Variants in STX11 observed in about 807,000 individuals in gnomAD.
The protein encoded by STX11 is syntaxin 11.
A neutral mutation model predicts 19.9 loss-of-function variants in STX11; 21 were observed. The observed-to-expected ratio is 1.06, with a 90% CI of 0.75 to 1.52. The LOEUF is 1.52. Among genes scored for constraint, STX11 ranks in the 40% most tolerant of loss-of-function variants. The pLI is 0.00. For missense variants in STX11, 438 were observed against 405.9 expected, an observed-to-expected ratio of 1.08 and a Z score of -0.68; for synonymous variants, 193 against 174.4, an observed-to-expected ratio of 1.11 and a Z score of -0.84.
At chr6:144,144,856 C>T in the STX11 span, among the ~76,000 whole-genome samples, 1 of 152,048 alleles carries the variant, frequency 6.6e-6, no homozygotes, top group Non-Finnish European at 1.5e-5. Context: ...ATGTGTCCTG[C>T]AGGGTATGAA....
At chr6:144,185,885 A>G (rs1347273463) in intron 1 of STX11, among the ~76,000 whole-genome samples, 1 of 152,126 alleles carries the variant, frequency 6.6e-6, no homozygotes, top group Non-Finnish European at 1.5e-5. Flanking sequence ...AATTTAAATC[A>G]TGATTTGCAT....
At chr6:144,168,721 A>G (rs960683003) in intron 1 of STX11, among the ~76,000 whole-genome samples, 1 of 152,232 alleles carries the variant, frequency 6.6e-6, no homozygotes, top group Non-Finnish European at 1.5e-5. Flanking sequence ...AACATTGGCA[A>G]CAGCATATAT....
intron 1 of STX11, among the ~76,000 whole-genome samples, chr6:144,157,038 A>C (rs900777168): frequency 6.6e-6 from 1 of 152,230 alleles, no homozygotes; most frequent in African/African-American, 2.4e-5. Flanking sequence ...CTGCTACATG[A>C]TGCTGTCAGG....
Position 144,172,498 on chromosome 6 carries a change from T to G in STX11, c.-5-14125T>G, listed in dbSNP as rs1801666359. 6.6e-6 allele frequency among the ~76,000 whole-genome samples: 1 copy of G among 152,188 alleles called. No homozygotes were observed. The highest frequency in any genetic ancestry group is 1.5e-5 in the Non-Finnish European group (1 of 68,038). ...ATCCTCTTGGTCAAAGCAAGTCTCA[T>G]GGCCAAGGGTAGAGAAACTGATTCA... On this transcript the variant is annotated intron_variant, in intron 1 of 1. Transcript: ENST00000367568. This position sits in a 1 kb window ranked among gnomAD's most constrained non-coding sequence, Gnocchi z 4.2.
rs769632055 is a variant in STX11, at chr6:144,154,344, C to A, written c.-6+3641C>A. ...CCCTACTGTGCTACATGACATCCCA[C>A]CCCCTACCTTCACTCCAAGAAATAC... On this transcript the variant is annotated intron_variant, in intron 1 of 1. Transcript: ENST00000367568. This position sits in a 1 kb window ranked among gnomAD's most constrained non-coding sequence, Gnocchi z 4.7. Among the ~76,000 whole-genome samples the A allele has an allele frequency of 2.0e-5, 3 of 152,296 alleles. No homozygotes were observed. The highest frequency in any genetic ancestry group is 7.2e-5 in the African/African-American group (3 of 41,572).
In STX11 at chr6:144,174,059, C is replaced by T. The variant is rs1394839824; in HGVS notation, c.-5-12564C>T. Reference sequence around the variant, plus strand: ...CTGAGCAGTCTTCTGTTGGGCTCTCCGCGGCTCCTTCATTTTCAGTCTTTT... The same window carrying T: ...CTGAGCAGTCTTCTGTTGGGCTCTCTGCGGCTCCTTCATTTTCAGTCTTTT... On this transcript the variant is annotated intron_variant, in intron 1 of 1. Transcript: ENST00000367568. The surrounding 1 kb of genome is among the most constrained non-coding windows in gnomAD (Gnocchi z 5.3). 4.6e-5 allele frequency among the ~76,000 whole-genome samples: 7 copies of T among 152,200 alleles called. No homozygotes were observed. The highest frequency in any genetic ancestry group is 2.1e-4 in the South Asian group (1 of 4,832).
intron 1 of STX11, among the ~76,000 whole-genome samples, chr6:144,161,674 T>G (rs1347657353): frequency 3.9e-5 from 6 of 152,192 alleles, no homozygotes; most frequent in African/African-American, 1.4e-4. Context: ...GGCCGGAAAA[T>G]TTCTTAAGTT....
At chr6:144,148,700 T>C (rs72992165), upstream of STX11, among the ~76,000 whole-genome samples, 3,203 of 152,312 alleles carry the variant, frequency 0.021, 51 homozygotes, top group Non-Finnish European at 0.031. Flanking sequence ...CACATTACAT[T>C]TAGTTTTCAC....
chr6:144,171,597 C>T lies in STX11; in HGVS notation c.-5-15026C>T, dbSNP rs114868964. On this transcript the variant is annotated intron_variant, in intron 1 of 1. Coordinates refer to ENST00000367568, the MANE Select transcript of STX11 (RefSeq NM_003764.4). Reference sequence around the variant, plus strand: ...AGCCAAGGTTAAAACTGCCAAGTATCTCTCTACTTTCCTGACCCCACTGCT... The same window carrying T: ...AGCCAAGGTTAAAACTGCCAAGTATTTCTCTACTTTCCTGACCCCACTGCT... Among the ~76,000 whole-genome samples the T allele has an allele frequency of 4.2e-3, 640 of 152,334 alleles. 4 individuals carry two copies. The highest frequency in any genetic ancestry group is 0.015 in the African/African-American group (616 of 41,568).
At chr6:144,168,373 A>G (rs1005220386) in intron 1 of STX11, among the ~76,000 whole-genome samples, 8 of 152,160 alleles carry the variant, frequency 5.3e-5, no homozygotes, top group African/African-American at 1.9e-4. Context: ...CACATCCACT[A>G]TGTCATCTAT....
In STX11 at chr6:144,159,385, G is replaced by A. The variant is rs10484614; in HGVS notation, c.-6+8682G>A. Among the ~76,000 whole-genome samples the A allele has an allele frequency of 0.061, 9,298 of 152,244 alleles. 423 individuals are homozygous for A. The highest frequency in any genetic ancestry group is 0.22 in the East Asian group (1,163 of 5,170). On this transcript the variant is annotated intron_variant, in intron 1 of 1. Coordinates refer to ENST00000367568, the MANE Select transcript of STX11 (RefSeq NM_003764.4). This position sits in a 1 kb window ranked among gnomAD's most constrained non-coding sequence, Gnocchi z 4.3. ...AGCTGGAAACCCAGCCTAGTCTAAGGTCAGAGGAAGTGTCTCATTTTCCTG... is the reference window on the plus strand; with the variant it reads ...AGCTGGAAACCCAGCCTAGTCTAAGATCAGAGGAAGTGTCTCATTTTCCTG...
In STX11 at chr6:144,155,943, TTTC is replaced by T. The variant is rs1375668160; in HGVS notation, c.-6+5243_-6+5245del. ...ATTAAATGTGTTTTAAAATTTAATC[TTTC>T]TTTCTTTCTTTCTTTCTTTCTTTCT... On this transcript the variant is annotated intron_variant, in intron 1 of 1. Coordinates refer to ENST00000367568, the MANE Select transcript of STX11 (RefSeq NM_003764.4). The surrounding 1 kb of genome is among the most constrained non-coding windows in gnomAD (Gnocchi z 4.5). Among the ~76,000 whole-genome samples, 2 of 7,034 alleles carry T rather than the reference TTTC, an allele frequency of 2.8e-4. No individual in the cohort carries two copies. Among genetic ancestry groups the T allele is most frequent in the African/African-American group, 4.8e-4 (2 of 4,176 alleles). The allele number at this position is 7,034 out of a possible 152,430, so 4.6% of individuals were successfully genotyped here.
chr6:144,155,966 CTTTCT>C lies in STX11; in HGVS notation c.-6+5266_-6+5270del. ...TCTTTCTTTCTTTCTTTCTTTCTTT[CTTTCT>C]TTCTTTCTTTCTTTCTTTCTTTCTT... is the stretch of plus-strand genomic sequence containing the variant. On this transcript the variant is annotated intron_variant, in intron 1 of 1. Coordinates refer to ENST00000367568, the MANE Select transcript of STX11 (RefSeq NM_003764.4). This position sits in a 1 kb window ranked among gnomAD's most constrained non-coding sequence, Gnocchi z 4.5. Among the ~76,000 whole-genome samples the C allele has an allele frequency of 7.9e-6, 1 of 126,316 alleles. No homozygotes were observed. The highest frequency in any genetic ancestry group is 7.6e-5 in the Admixed American group (1 of 13,202). The allele number at this position is 126,316 out of a possible 152,430, so 82.9% of individuals were successfully genotyped here. A position where few individuals can be genotyped will look rare whatever the true frequency, so the allele number is the denominator to read the frequency against.
At chr6:144,185,757 GAT>G (rs1166735684) in intron 1 of STX11, among the ~76,000 whole-genome samples, 1 of 152,204 alleles carries the variant, frequency 6.6e-6, no homozygotes. Context: ...ATTAGGGAAT[GAT>G]ATTGAGAAGA....
chr6:144,187,505 G>T lies in STX11; in HGVS notation c.*14G>T. 6.2e-7 allele frequency: 1 copy of T among 1,611,530 alleles called. No individual in the cohort carries two copies. The highest frequency in any genetic ancestry group is 8.5e-7 in the Non-Finnish European group (1 of 1,179,890). ...TGCCTCAAGTAGCAGGCCGGCCCGGGCCGCCACCGCCCATCCCAGACCATG... is the reference window on the plus strand; with the variant it reads ...TGCCTCAAGTAGCAGGCCGGCCCGGTCCGCCACCGCCCATCCCAGACCATG... On this transcript the variant is annotated 3_prime_UTR_variant, in exon 2 of 2. Transcript: ENST00000367568. This position sits in a 1 kb window ranked among gnomAD's most constrained non-coding sequence, Gnocchi z 5.6.
At position 144,154,176 on chromosome 6, in the gene STX11, C is replaced by T. The variant is rs60056621; in HGVS notation, c.-6+3473C>T. 9.2e-3 allele frequency among the ~76,000 whole-genome samples: 1,404 copies of T among 152,286 alleles called. 12 individuals are homozygous for T. Among genetic ancestry groups the T allele is most frequent in the African/African-American group, 0.031 (1,299 of 41,556 alleles). On this transcript the variant is annotated intron_variant, in intron 1 of 1. Coordinates refer to ENST00000367568, the MANE Select transcript of STX11 (RefSeq NM_003764.4). The surrounding 1 kb of genome is among the most constrained non-coding windows in gnomAD (Gnocchi z 4.7). ...GTTCCAGAGCTTGCATTCTGAAGCA[C>T]CCTGCTGTGATGTGCTGTCTTGATG...
rs1333765184 is a variant in STX11 at position 144,175,804 on chromosome 6, C to A, written c.-5-10819C>A. ...TAGCTGCTCCTTACCCACCTGACTTCCACACCCGTGGAGAAATAAGAAAGG... is the reference window on the plus strand; with the variant it reads ...TAGCTGCTCCTTACCCACCTGACTTACACACCCGTGGAGAAATAAGAAAGG... On this transcript the variant is annotated intron_variant, in intron 1 of 1. Coordinates refer to ENST00000367568, the MANE Select transcript of STX11 (RefSeq NM_003764.4). This position sits in a 1 kb window ranked among gnomAD's most constrained non-coding sequence, Gnocchi z 5.1. 6.6e-6 allele frequency among the ~76,000 whole-genome samples: 1 copy of A among 152,164 alleles called. No individual in the cohort carries two copies. Among genetic ancestry groups the A allele is most frequent in the Non-Finnish European group, 1.5e-5 (1 of 68,038 alleles).
intron 1 of STX11, among the ~76,000 whole-genome samples, chr6:144,178,646 C>T (rs1801831278): frequency 6.6e-6 from 1 of 152,212 alleles, no homozygotes; most frequent in African/African-American, 2.4e-5. Flanking sequence ...GTTTGAATAA[C>T]TCCTACCTGC....
chr6:144,150,936 T>C (rs1454332613), intron 1 of STX11, among the ~76,000 whole-genome samples: 2 of 152,202 alleles, frequency 1.3e-5, no homozygotes, highest in Admixed American at 6.5e-5. Context: ...AAATTACTTT[T>C]AATTTCAGAG....
Sources: allele counts gnomAD v4.1 joint callset (sites outside exome capture counted in the v4.1 genomes callset), GRCh38; gene constraint gnomAD v4.1.1; non-coding constraint Gnocchi (gnomAD v3.1); transcripts MANE v1.5; gene names NCBI Gene and HGNC (gene_info 2026-07-23, HGNC 2026-07-21).